Variants in LIG3 observed in about 807,000 individuals in gnomAD.
The protein encoded by LIG3 is DNA ligase 3, also known as ligase II, DNA, ATP-dependent.
In LIG3, 58 loss-of-function variants were observed where a neutral mutation model predicts 110.9. The ratio of observed to expected loss-of-function variants is 0.52; its 90% CI spans 0.42 to 0.65. LIG3 has a LOEUF of 0.65. Among genes scored for constraint, LIG3 ranks in the 30% least tolerant of loss-of-function variants. The pLI is 0.00. For missense variants in LIG3, 1,094 were observed against 1,273.8 expected, an observed-to-expected ratio of 0.86 and a Z score of 2.15; for synonymous variants, 422 against 472.8, an observed-to-expected ratio of 0.89 and a Z score of 1.39.
intron 3 of LIG3, among the ~76,000 whole-genome samples, chr17:34,988,149 C>T (rs924090361): frequency 1.0e-4 from 15 of 144,416 alleles, no homozygotes; most frequent in African/African-American, 2.8e-4. Flanking sequence ...GCCAAGATCG[C>T]GCCACTGCAC....
chr17:34,989,861 T>C (rs1423447025), intron 4 of LIG3, 198 bp downstream of exon 4: 9 of 578,000 alleles, frequency 1.6e-5, no homozygotes, highest in Non-Finnish European at 2.5e-5. Context: ...CCACAAATTA[T>C]GTAGCCAGTT....
At position 34,996,598 on chromosome 17, in the gene LIG3, G is replaced by A. The variant is rs1314355766; in HGVS notation, c.1768G>A (p.Val590Ile). The A allele has an allele frequency of 1.2e-6, 2 of 1,614,000 alleles. No homozygotes were observed. Among genetic ancestry groups the A allele is most frequent in the South Asian group, 2.2e-5 (2 of 91,082 alleles). The stretch of plus-strand genomic sequence containing the variant: ...GAAAGCAGCCTTCCAGGATGCTAAT[G>A]TCTGCCTGTTTGTTTTTGATTGTAT... Reference protein sequence around the residue: ...HKKAAFQDANVCLFVFDCIYF... With the variant: ...HKKAAFQDANICLFVFDCIYF... Residue 590 changes from valine to isoleucine, a missense_variant, in exon 11 of 20, where the codon GTC (valine) becomes ATC (isoleucine). By Grantham distance (29) the Val-to-Ile change is conservative (BLOSUM62 3). Coordinates refer to ENST00000378526, the MANE Select transcript of LIG3 (RefSeq NM_013975.4).
chr17:35,000,887 TA>T (rs921027373), intron 16 of LIG3, among the ~76,000 whole-genome samples: 1 of 151,508 alleles, frequency 6.6e-6, no homozygotes, highest in African/African-American at 2.4e-5. Flanking sequence ...GTGCTGGGAT[TA>T]CAGATGCAAG....
Position 35,007,292 on chromosome 17 carries a change from A to G in LIG3, c.*2786A>G, listed in dbSNP as rs1428056314. 1 of 152,226 alleles carries G rather than the reference A, an allele frequency of 6.6e-6. No individual in the cohort carries two copies. Among genetic ancestry groups the G allele is most frequent in the East Asian group, 1.9e-4 (1 of 5,200 alleles). The allele number at this position is 152,226 out of a possible 1,614,324, so 9.4% of individuals were successfully genotyped here. On this transcript the variant is annotated 3_prime_UTR_variant, in exon 20 of 20. Coordinates refer to ENST00000378526, the MANE Select transcript of LIG3 (RefSeq NM_013975.4). ...TGTGTGTTATTGCCATTTCAATGTC[A>G]GTGGTTTTTTATGTATTTTCTTCCA...
intron 2 of LIG3, among the ~76,000 whole-genome samples, chr17:34,984,477 T>A (rs1385810764): frequency 6.6e-6 from 1 of 152,224 alleles, no homozygotes; most frequent in Non-Finnish European, 1.5e-5. Context: ...TTTAATGTAC[T>A]TCTTTACTCT....
intron 18 of LIG3, 93 bp downstream of exon 18, chr17:35,002,197 G>C: frequency 9.2e-7 from 1 of 1,087,038 alleles, no homozygotes; most frequent in Non-Finnish European, 1.3e-6. Flanking sequence ...CCAGCCCTGA[G>C]ATCTCATGAT....
At chr17:35,001,216 T>C (rs758628154) in intron 16 of LIG3, 41 bp from the exon 17 acceptor site, 95 of 1,599,180 alleles carry the variant, frequency 5.9e-5, no homozygotes, top group Non-Finnish European at 8.0e-5. Flanking sequence ...ACTGATACTA[T>C]CTTCTTAACC....
chr17:34,988,108 G>C (rs1358358212), intron 3 of LIG3, among the ~76,000 whole-genome samples: 3 of 148,426 alleles, frequency 2.0e-5, no homozygotes, highest in Non-Finnish European at 4.4e-5. Flanking sequence ...CAGGAGAATG[G>C]CATGAACCCT....
At chr17:34,988,990 A>G (rs2090688232) in intron 3 of LIG3, among the ~76,000 whole-genome samples, 1 of 151,586 alleles carries the variant, frequency 6.6e-6, no homozygotes, top group African/African-American at 2.4e-5. Context: ...CAGCTTTACA[A>G]TTGCTCTGAG....
Position 35,008,787 on chromosome 17 carries a change from A to C in LIG3, c.*4281A>C, listed in dbSNP as rs2090915196. The C allele has an allele frequency of 6.6e-6, 1 of 151,878 alleles. No homozygotes were observed. The allele number at this position is 151,878 out of a possible 1,614,324, so 9.4% of individuals were successfully genotyped here. ...GCTGGGACTACAGGCACCCGCCACC[A>C]CGCCTGGCTAATTTTTTGTATTTTT... is the stretch of plus-strand genomic sequence containing the variant. On this transcript the variant is annotated 3_prime_UTR_variant, in exon 20 of 20. Transcript: ENST00000378526.
At chr17:34,990,151 G>A (rs752117102) in intron 4 of LIG3, among the ~76,000 whole-genome samples, 10 of 152,182 alleles carry the variant, frequency 6.6e-5, no homozygotes, top group East Asian at 1.9e-4. Flanking sequence ...GGCTAAAGGT[G>A]AGGCAGACAC....
chr17:35,004,318 T>C lies in LIG3; in HGVS notation c.2842T>C (p.Ser948Pro). The C allele has an allele frequency of 6.2e-7, 1 of 1,614,168 alleles. No homozygotes were observed. The highest frequency in any genetic ancestry group is 1.1e-5 in the South Asian group (1 of 91,084). ...TGGGGTGCGGCTTTACTTGCCACCC[T>C]CCACACCAGACTTCAGCCGTCTCAG... ...FTGVRLYLPP[S>P]TPDFSRLRRY... The change falls in exon 20 of 20, where the codon TCC becomes CCC. Residue 948 changes from serine to proline, a missense_variant. Ser to Pro is a moderately conservative substitution (Grantham distance 74). Coordinates refer to ENST00000378526, the MANE Select transcript of LIG3 (RefSeq NM_013975.4).
chr17:35,004,125 T>G (rs973160861), intron 19 of LIG3, 148 bp from the exon 20 acceptor site: 5 of 619,196 alleles, frequency 8.1e-6, no homozygotes. Context: ...ACTGGAGGGG[T>G]GGGGGTATTG....
rs376449090 is a variant in LIG3, at chr17:34,990,974, G to T, written c.901G>T (p.Gly301Cys). The change falls in exon 5 of 20, where the codon GGT (glycine) becomes TGT (cysteine). Residue 301 changes from glycine to cysteine, a missense_variant. Gly to Cys is a radical substitution (Grantham distance 159). Transcript: ENST00000378526. ...CCTTCTGTCTCCAGATGGTTTCCAC[G>T]GTGATGTGTACCTAACAGTGAAGCT... Reference protein sequence around the residue: ...RKGSAGDGFHGDVYLTVKLLL... With the variant: ...RKGSAGDGFHCDVYLTVKLLL... The T allele has an allele frequency of 1.2e-6, 2 of 1,613,884 alleles. No homozygotes were observed. The highest frequency in any genetic ancestry group is 1.7e-6 in the Non-Finnish European group (2 of 1,179,880).
intron 16 of LIG3, among the ~76,000 whole-genome samples, chr17:35,000,674 G>A (rs1175996348): frequency 1.4e-5 from 2 of 141,818 alleles, no homozygotes; most frequent in African/African-American, 5.5e-5. Flanking sequence ...GGAGTGCAGT[G>A]GCATGATCTC....
At chr17:34,980,705 GCCGGGGAGCCAGCCCCCCGGCTCCT>G in intron 1 of LIG3, 83 bp downstream of exon 1, 1 of 818,906 alleles carries the variant, frequency 1.2e-6, no homozygotes, top group Non-Finnish European at 1.5e-6. Context: ...GCTCGGCGCG[GCCGGGGAGCCAGCCCCCCGGCTCCT>G]CCCCCGCCCG....
Position 35,005,370 on chromosome 17 carries a change from G to C in LIG3, c.*864G>C, listed in dbSNP as rs1372231872. On this transcript the variant is annotated 3_prime_UTR_variant, in exon 20 of 20. Coordinates refer to ENST00000378526, the MANE Select transcript of LIG3 (RefSeq NM_013975.4). ...AACCTGAAGTTGAAGAAGCCACCCT[G>C]GCTGCACATGCCATCAGCCATGACT... The C allele has an allele frequency of 3.6e-6, 2 of 557,722 alleles. No homozygotes were observed. Among genetic ancestry groups the C allele is most frequent in the Non-Finnish European group, 7.3e-6 (2 of 275,014 alleles). 34.5% of individuals were successfully genotyped at this position (557,722 alleles called of 1,614,324 possible). A position where few individuals can be genotyped will look rare whatever the true frequency, so the allele number is the denominator to read the frequency against.
intron 19 of LIG3, chr17:35,003,310 T>C: frequency 3.2e-6 from 2 of 618,112 alleles, no homozygotes; most frequent in South Asian, 2.3e-5. Context: ...GCAATTCTTT[T>C]TTTTTTTGAG....
rs1424449578 is a variant in LIG3, at chr17:34,982,939, G to T, written c.-4-63G>T. ...ATAAGACGCTGGCCTTTGGAAAATT[G>T]GAAGCCTATCTCCTTGTTTATATCT... On this transcript the variant is annotated intron_variant, in intron 1 of 19. Coordinates refer to ENST00000378526, the MANE Select transcript of LIG3 (RefSeq NM_013975.4). 5.1e-6 allele frequency: 7 copies of T among 1,364,932 alleles called. No homozygotes were observed. In the South Asian group the frequency reaches 9.0e-5, roughly 18 times the overall value. 84.6% of individuals were successfully genotyped at this position (1,364,932 alleles called of 1,614,324 possible).
Sources: allele counts gnomAD v4.1 joint callset (sites outside exome capture counted in the v4.1 genomes callset), GRCh38; gene constraint gnomAD v4.1.1; transcripts MANE v1.5; gene names NCBI Gene and HGNC (gene_info 2026-07-23, HGNC 2026-07-21).